The following MYO18B variants were observed in gnomAD, a reference collection of about 807,000 sequenced individuals.
MYO18B encodes the protein unconventional myosin-XVIIIb.
MYO18B carries 204 observed loss-of-function variants against 273.0 expected under a neutral mutation model. That is an observed-to-expected ratio of 0.75 (90% CI 0.67 to 0.84). MYO18B has a LOEUF of 0.84. Among genes scored for constraint, MYO18B ranks in the 40% least tolerant of loss-of-function variants. MYO18B has a pLI of 0.00. For synonymous variants in MYO18B, 1,330 were observed against 1,305.7 expected, an observed-to-expected ratio of 1.02 and a Z score of -0.40; for missense variants, 3,212 against 3,287.6, an observed-to-expected ratio of 0.98 and a Z score of 0.56.
At chr22:25,911,094 G>T in intron 33 of MYO18B, 44 bp downstream of exon 33, 2 of 1,433,740 alleles carry the variant, frequency 1.4e-6, no homozygotes, top group South Asian at 1.2e-5. Flanking sequence ...GTATCTCAGG[G>T]ACCTATTTGA....
intron 25 of MYO18B, among the ~76,000 whole-genome samples, chr22:25,885,753 C>T (rs1425562537): frequency 6.6e-6 from 1 of 152,134 alleles, no homozygotes; most frequent in African/African-American, 2.4e-5. Flanking sequence ...CCTCTTTGTG[C>T]TGAAACACTT....
At chr22:25,969,910 G>A (rs967224327) in intron 39 of MYO18B, among the ~76,000 whole-genome samples, 6 of 152,060 alleles carry the variant, frequency 3.9e-5, no homozygotes, top group Non-Finnish European at 5.9e-5. Context: ...AAGTAAGCCC[G>A]CCTATCATCA....
rs184746780 is a variant in MYO18B at position 25,803,462 on chromosome 22, T to C, written c.2521+5365T>C. Among the ~76,000 whole-genome samples the C allele has an allele frequency of 3.9e-5, 6 of 152,298 alleles. No homozygotes were observed. In the East Asian group the frequency reaches 1.2e-3, roughly 29 times the overall value. On this transcript the variant is annotated intron_variant, in intron 12 of 43. Transcript: ENST00000335473. ...GTCATAGTAACTGCTCAGAAAATTC[T>C]AGTAGAATGTATGCCCCAAACTGGC...
the MYO18B span, among the ~76,000 whole-genome samples, chr22:26,039,762 G>T: frequency 1.3e-5 from 2 of 152,016 alleles, no homozygotes; most frequent in African/African-American, 4.8e-5. Context: ...TACCCAATAT[G>T]CAGTCTTTTA....
chr22:25,955,238 G>A lies in MYO18B; in HGVS notation c.6030G>A (p.Ala2010=), dbSNP rs748527777. 1.8e-5 allele frequency: 29 copies of A among 1,613,324 alleles called. No individual in the cohort carries two copies. The highest frequency in any genetic ancestry group is 2.2e-5 in the East Asian group (1 of 44,872). The change falls in exon 39 of 44, where the codon GCG becomes GCA. Residue 2010 remains alanine, a synonymous_variant. Transcript: ENST00000335473. The part of the protein sequence containing the change: ...LIKMGEELSQ[A]ATSESQQRES... Reference sequence around the variant, plus strand: ...AGATGGGGGAGGAGCTTTCACAGGCGGCCACCTCCGAGTCCCAGCAGCGGG... The same window carrying A: ...AGATGGGGGAGGAGCTTTCACAGGCAGCCACCTCCGAGTCCCAGCAGCGGG...
chr22:25,766,305 T>C (rs1317815323), intron 3 of MYO18B, among the ~76,000 whole-genome samples: 1 of 152,032 alleles, frequency 6.6e-6, no homozygotes, highest in Non-Finnish European at 1.5e-5. Flanking sequence ...GAGGATTAAA[T>C]AGGAGATTGC....
chr22:26,022,589 C>G (rs1441528905), intron 42 of MYO18B, among the ~76,000 whole-genome samples: 1 of 152,182 alleles, frequency 6.6e-6, no homozygotes, highest in African/African-American at 2.4e-5. Context: ...TTCTTGCCCT[C>G]TCTTCCTTGT....
intron 42 of MYO18B, among the ~76,000 whole-genome samples, chr22:26,023,476 C>CCCTCCTCCT (rs138330824): frequency 6.7e-6 from 1 of 148,968 alleles, no homozygotes; most frequent in East Asian, 2.0e-4. Flanking sequence ...TCTTCCTCCT[C>CCCTCCTCCT]CCTCCTCCTC....
Position 25,772,457 on chromosome 22 carries a change from C to T in MYO18B, c.1816C>T (p.Pro606Ser), listed in dbSNP as rs753769869. 6.2e-7 allele frequency: 1 copy of T among 1,614,004 alleles called. No individual in the cohort carries two copies. The highest frequency in any genetic ancestry group is 8.5e-7 in the Non-Finnish European group (1 of 1,179,886). Residue 606 changes from proline (P) to serine (S), a missense_variant, in exon 7 of 44, where the codon CCT (proline) becomes TCT (serine). Transcript: ENST00000335473. The part of the protein sequence containing the change: ...KAQLLHTCTG[P>S]DLIVLQPRGP... ...TCAGCTGCTGCACACCTGCACAGGGCCTGATCTGATTGTCCTCCAGCCCCG... is the reference window on the plus strand; with the variant it reads ...TCAGCTGCTGCACACCTGCACAGGGTCTGATCTGATTGTCCTCCAGCCCCG...
rs1183546911 is a variant in MYO18B, at chr22:25,762,986, C to G, written c.40-245C>G. ...TGTTCATATCACAAGGAGAGTGGAT[C>G]CAGGCAGAAATCACATTGACCCGCA... On this transcript the variant is annotated intron_variant, in intron 2 of 43. Coordinates refer to ENST00000335473, the MANE Select transcript of MYO18B (RefSeq NM_032608.7). 31 of 674,972 alleles carry G rather than the reference C, an allele frequency of 4.6e-5. 1 individual carries two copies. Among genetic ancestry groups the G allele is most frequent in the Non-Finnish European group, 8.8e-5 (31 of 353,632 alleles). 41.8% of individuals were successfully genotyped at this position (674,972 alleles called of 1,614,324 possible). A position where few individuals can be genotyped will look rare whatever the true frequency, so the allele number is the denominator to read the frequency against.
intron 42 of MYO18B, among the ~76,000 whole-genome samples, chr22:26,015,478 G>T (rs987906581): frequency 3.9e-5 from 6 of 152,198 alleles, no homozygotes; most frequent in African/African-American, 1.4e-4. Flanking sequence ...CCATAAAAAA[G>T]AATGAGATCA....
intron 34 of MYO18B, among the ~76,000 whole-genome samples, chr22:25,944,593 TA>T (rs1428846814): frequency 6.6e-6 from 1 of 152,160 alleles, no homozygotes; most frequent in African/African-American, 2.4e-5. Flanking sequence ...CTCACGCCTG[TA>T]ATCCTAGCAC....
At chr22:25,803,329 T>C (rs374535176) in intron 12 of MYO18B, among the ~76,000 whole-genome samples, 24 of 152,316 alleles carry the variant, frequency 1.6e-4, no homozygotes, top group South Asian at 1.0e-3. Flanking sequence ...TGGATCAGTA[T>C]TTTAGTCCTT....
intron 40 of MYO18B, among the ~76,000 whole-genome samples, chr22:25,999,687 A>T (rs1257875257): frequency 8.9e-6 from 1 of 112,984 alleles, no homozygotes; most frequent in African/African-American, 3.8e-5. Context: ...TTCTCCTCTC[A>T]CTCTGTCACC....
rs756761660 is a variant in MYO18B, at chr22:25,847,516, G to T, written c.3639G>T (p.Gly1213=). The T allele has an allele frequency of 3.2e-6, 5 of 1,578,140 alleles. No individual in the cohort carries two copies. In the East Asian group the frequency reaches 1.2e-4, roughly 37 times the overall value. Residue 1213 remains glycine, a synonymous_variant, in exon 20 of 44, where the codon GGG becomes GGT. Coordinates refer to ENST00000335473, the MANE Select transcript of MYO18B (RefSeq NM_032608.7). ...ACCCTGTGGTGGAAAGCAGGAGTGG[G>T]CAGGAATCTCCACCACCACCGCAGC... ...VPNPVVESRS[G]QESPPPPQPG...
chr22:25,891,288 G>A lies in MYO18B; in HGVS notation c.4435-16G>A. The A allele has an allele frequency of 6.5e-7, 1 of 1,528,960 alleles. No individual in the cohort carries two copies. The highest frequency in any genetic ancestry group is 8.9e-7 in the Non-Finnish European group (1 of 1,123,942). The allele number at this position is 1,528,960 out of a possible 1,614,324, so 94.7% of individuals were successfully genotyped here. A position where few individuals can be genotyped will look rare whatever the true frequency, so the allele number is the denominator to read the frequency against. On this transcript the variant is annotated splice_polypyrimidine_tract_variant and intron_variant, in intron 26 of 43. Transcript: ENST00000335473. ...TCTGTCCAGCTCTAGTTTAGACCTT[G>A]AGCCCTTTCTTCTAGAGCAAGCATG...
At position 26,030,804 on chromosome 22, in the gene MYO18B, C is replaced by A. The variant is rs1936632573; in HGVS notation, c.*374C>A. 5.1e-6 allele frequency: 2 copies of A among 395,470 alleles called. No homozygotes were observed. Among genetic ancestry groups the A allele is most frequent in the Admixed American group, 4.4e-5 (1 of 22,608 alleles). The allele number at this position is 395,470 out of a possible 1,614,324, so 24.5% of individuals were successfully genotyped here. ...CATGTCTACATGCCATGACCTTCCT[C>A]CTCCTCTTCACTTGGCCAGTTTCAG... On this transcript the variant is annotated 3_prime_UTR_variant, in exon 44 of 44. Coordinates refer to ENST00000335473, the MANE Select transcript of MYO18B (RefSeq NM_032608.7).
chr22:25,997,534 T>A (rs1470238058), intron 40 of MYO18B, among the ~76,000 whole-genome samples: 1 of 152,060 alleles, frequency 6.6e-6, no homozygotes, highest in Non-Finnish European at 1.5e-5. Flanking sequence ...GACTTAGAAC[T>A]TGGATTTGAG....
intron 11 of MYO18B, among the ~76,000 whole-genome samples, chr22:25,786,314 A>G (rs557379521): frequency 1.3e-5 from 2 of 152,292 alleles, no homozygotes; most frequent in South Asian, 4.2e-4. Context: ...TAGCTGATAG[A>G]GCTACTTGGA....
Sources: gnomAD v4.1 joint callset for allele counts (sites outside exome capture counted in the v4.1 genomes callset) on GRCh38, gnomAD v4.1.1 for gene constraint, MANE v1.5 for transcripts, NCBI Gene and HGNC (gene_info 2026-07-23, HGNC 2026-07-21) for gene names.